GALNT18: variants seen among roughly 807,000 people sequenced by gnomAD.
GALNT18 encodes the protein polypeptide N-acetylgalactosaminyltransferase 18.
Under a neutral mutation model 69.5 loss-of-function variants are expected in GALNT18, and 44 were observed. The ratio of observed to expected loss-of-function variants is 0.63; its 90% confidence interval spans 0.50 to 0.81. The LOEUF is 0.81. GALNT18 is among the 40% of genes least tolerant of loss of function. The pLI is 0.00. For synonymous variants in GALNT18, 364 were observed against 318.2 expected, an observed-to-expected ratio of 1.14 and a Z score of -1.53; for missense variants, 715 against 810.0, an observed-to-expected ratio of 0.88 and a Z score of 1.42.
intron 3 of GALNT18, among the ~76,000 whole-genome samples, chr11:11,431,055 A>C (rs193061096): frequency 2.0e-5 from 3 of 152,352 alleles, no homozygotes; most frequent in Admixed American, 2.0e-4. Context: ...AGCTTTGTCC[A>C]TATGACTTAG....
chr11:11,438,693 A>G (rs1310288374), intron 2 of GALNT18, among the ~76,000 whole-genome samples: 1 of 152,174 alleles, frequency 6.6e-6, no homozygotes, highest in Non-Finnish European at 1.5e-5. Context: ...AAGTGCTGAC[A>G]GTGAGACAGT....
intron 3 of GALNT18, among the ~76,000 whole-genome samples, chr11:11,385,800 C>T (rs1854043202): frequency 1.3e-5 from 2 of 152,068 alleles, no homozygotes; most frequent in African/African-American, 4.8e-5. Flanking sequence ...AACCCTAATA[C>T]CTCCGAATGA....
At chr11:11,502,283 C>T (rs1043532299) in intron 1 of GALNT18, among the ~76,000 whole-genome samples, 4 of 152,236 alleles carry the variant, frequency 2.6e-5, no homozygotes, top group Non-Finnish European at 5.9e-5. Flanking sequence ...CTCTCCTTCC[C>T]TTCTGTGTAC....
intron 3 of GALNT18, among the ~76,000 whole-genome samples, chr11:11,425,916 G>GA (rs1174478518): frequency 1.3e-5 from 2 of 152,222 alleles, no homozygotes; most frequent in Non-Finnish European, 2.9e-5. Flanking sequence ...TCTCCCTCTG[G>GA]AAGTCTGTAG....
chr11:11,281,442 G>A (rs1216160607), intron 10 of GALNT18, among the ~76,000 whole-genome samples: 4 of 152,144 alleles, frequency 2.6e-5, no homozygotes, highest in Non-Finnish European at 2.9e-5. Context: ...AAACGGGCCC[G>A]GACCAAGTGC....
At chr11:11,419,596 C>CAAAAAAAAAAAAAAA (rs58012512) in intron 3 of GALNT18, among the ~76,000 whole-genome samples, 23 of 26,628 alleles carry the variant, frequency 8.6e-4, no homozygotes, top group African/African-American at 2.3e-3. Context: ...GATCCTGTCT[C>CAAAAAAAAAAAAAAA]AAAAAAAAAA....
At chr11:11,471,718 A>G (rs1007837916) in intron 1 of GALNT18, among the ~76,000 whole-genome samples, 2 of 152,086 alleles carry the variant, frequency 1.3e-5, no homozygotes, top group African/African-American at 2.4e-5. Context: ...AAATTTTGTT[A>G]CCTGCCTGGG....
intron 2 of GALNT18, among the ~76,000 whole-genome samples, chr11:11,448,122 CAA>C (rs1855701056): frequency 6.6e-6 from 1 of 151,996 alleles, no homozygotes; most frequent in African/African-American, 2.4e-5. Context: ...AGATCTTTCT[CAA>C]AGACTCCAGA....
chr11:11,533,813 G>A (rs1016955865), intron 1 of GALNT18, among the ~76,000 whole-genome samples: 2 of 152,220 alleles, frequency 1.3e-5, no homozygotes, highest in African/African-American at 4.8e-5. Flanking sequence ...CCGAGTAGAT[G>A]CCTCGTTTCT....
chr11:11,609,360 G>A (rs1162372216), intron 1 of GALNT18, among the ~76,000 whole-genome samples: 1 of 152,140 alleles, frequency 6.6e-6, no homozygotes, highest in African/African-American at 2.4e-5. Context: ...TCCTGCCACA[G>A]GGGCTTTGCA....
intron 1 of GALNT18, among the ~76,000 whole-genome samples, chr11:11,491,123 G>A (rs369522106): frequency 6.6e-6 from 1 of 152,154 alleles, no homozygotes; most frequent in South Asian, 2.1e-4. Context: ...AGGTGGGGTC[G>A]TTGTCACTAG....
At chr11:11,289,519 G>C (rs749937807) in intron 10 of GALNT18, among the ~76,000 whole-genome samples, 7 of 152,192 alleles carry the variant, frequency 4.6e-5, no homozygotes, top group African/African-American at 1.7e-4. Flanking sequence ...TGGGATAAGG[G>C]AAGGAGGGAG....
In GALNT18 at chr11:11,518,006, G is replaced by T. The variant is rs535406596; in HGVS notation, c.236-69070C>A. Among the ~76,000 whole-genome samples, 18 of 152,326 alleles carry T rather than the reference G, an allele frequency of 1.2e-4. No individual in the cohort carries two copies. In the South Asian group the frequency reaches 3.7e-3, roughly 32 times the overall value. On this transcript the variant is annotated intron_variant, in intron 1 of 10. Transcript: ENST00000227756. ...TATGCGCCAGTGCCTACCCTGGCCT[G>T]GTTAAAACGTTCTGTCCCAAAGGTA... is the stretch of plus-strand genomic sequence containing the variant.
intron 10 of GALNT18, among the ~76,000 whole-genome samples, chr11:11,283,082 G>T (rs138588872): frequency 2.7e-4 from 41 of 152,242 alleles, no homozygotes; most frequent in South Asian, 8.3e-4. Context: ...TGAGCTTGGG[G>T]TTAGTGGGAG....
intron 10 of GALNT18, among the ~76,000 whole-genome samples, chr11:11,272,220 T>C (rs1383783242): frequency 6.6e-6 from 1 of 152,222 alleles, no homozygotes; most frequent in Non-Finnish European, 1.5e-5. Flanking sequence ...AACATGGACA[T>C]TTTCATTTAT....
At chr11:11,506,785 C>T (rs781506973) in intron 1 of GALNT18, among the ~76,000 whole-genome samples, 12 of 152,156 alleles carry the variant, frequency 7.9e-5, no homozygotes, top group Non-Finnish European at 1.0e-4. Flanking sequence ...TCCAAAGACC[C>T]AAGGAAGGTA....
At chr11:11,354,822 C>A (rs370725317) in intron 6 of GALNT18, among the ~76,000 whole-genome samples, 1 of 152,088 alleles carries the variant, frequency 6.6e-6, no homozygotes, top group East Asian at 1.9e-4. Flanking sequence ...ACGAAGTTCC[C>A]GATTTTCTTC....
rs1006788822 is a variant in GALNT18 at position 11,436,588 on chromosome 11, T to C, written c.429-3801A>G. ...AGGTCTTCCATTGGTGTTTGTTGAA[T>C]AAATTCCCTTTCAGTTTCCACAAAA... On this transcript the variant is annotated intron_variant, in intron 2 of 10. Coordinates refer to ENST00000227756, the MANE Select transcript of GALNT18 (RefSeq NM_198516.3). This position sits in a 1 kb window ranked among gnomAD's most constrained non-coding sequence, Gnocchi z 4.5. 5.9e-5 allele frequency among the ~76,000 whole-genome samples: 9 copies of C among 152,320 alleles called. No homozygotes were observed. Among genetic ancestry groups the C allele is most frequent in the African/African-American group, 2.2e-4 (9 of 41,572 alleles).
At chr11:11,521,068 AC>A (rs1857388038) in intron 1 of GALNT18, among the ~76,000 whole-genome samples, 1 of 151,558 alleles carries the variant, frequency 6.6e-6, no homozygotes, top group Admixed American at 6.6e-5. Context: ...ACTGGGGCTG[AC>A]AGCAGCCACG....
Sources: gnomAD v4.1 joint callset for allele counts (sites outside exome capture counted in the v4.1 genomes callset) on GRCh38, gnomAD v4.1.1 for gene constraint, Gnocchi (gnomAD v3.1) non-coding constraint, MANE v1.5 for transcripts, NCBI Gene and HGNC (gene_info 2026-07-23, HGNC 2026-07-21) for gene names.